Variants in PFKFB4 observed in about 807,000 individuals in gnomAD.
PFKFB4 encodes the protein 6-phosphofructo-2-kinase/fructose-2,6-biphosphatase 4, also known as 6-phosphofructo-2-kinase/fructose-2,6-bisphosphatase 4.
Under a neutral mutation model 62.8 loss-of-function variants are expected in PFKFB4, and 42 were observed. The observed-to-expected ratio is 0.67, with a 90% CI of 0.52 to 0.86. The LOEUF (loss-of-function observed/expected upper bound fraction) is 0.86, where lower values mean the gene tolerates loss of function less well. Ranked by LOEUF, PFKFB4 falls within the 40% of genes least tolerant of loss-of-function variation. The probability of loss-of-function intolerance (pLI) is 0.00; values close to 1 mark genes in which losing one functional copy is unlikely to be tolerated. For missense variants in PFKFB4, 475 were observed against 627.2 expected, an observed-to-expected ratio of 0.76 and a Z score of 2.59; for synonymous variants, 204 against 240.7, an observed-to-expected ratio of 0.85 and a Z score of 1.41.
In PFKFB4 at chr3:48,518,055, C is replaced by T. The variant is rs2041973245; in HGVS notation, c.*1692G>A. On this transcript the variant is annotated 3_prime_UTR_variant, in exon 14 of 14. Transcript: ENST00000232375. ...TGCACTGTTGCTGACCAAGGGAACC[C>T]ACTATGGCTAACAAATGAGTGTGTC... The T allele has an allele frequency of 6.6e-6, 1 of 152,318 alleles. No individual in the cohort carries two copies. The highest frequency in any genetic ancestry group is 2.1e-4 in the South Asian group (1 of 4,834). The allele number at this position is 152,318 out of a possible 1,614,324, so 9.4% of individuals were successfully genotyped here.
chr3:48,544,326 C>G (rs143214693), intron 3 of PFKFB4, among the ~76,000 whole-genome samples: 2 of 152,040 alleles, frequency 1.3e-5, no homozygotes, highest in Non-Finnish European at 2.9e-5. Context: ...AAAGAGAGTT[C>G]CCCAAACCAC....
chr3:48,534,527 C>T (rs1023565254), intron 9 of PFKFB4, among the ~76,000 whole-genome samples: 1 of 151,998 alleles, frequency 6.6e-6, no homozygotes, highest in East Asian at 1.9e-4. Flanking sequence ...AAAGATTAGC[C>T]TGGCATGGTG....
intron 3 of PFKFB4, among the ~76,000 whole-genome samples, chr3:48,547,333 C>T (rs931774703): frequency 1.1e-4 from 17 of 152,018 alleles, no homozygotes; most frequent in African/African-American, 3.4e-4. Flanking sequence ...ATATGGTATA[C>T]GCATGTCCGG....
chr3:48,519,963 T>A (rs1444332620), intron 13 of PFKFB4, among the ~76,000 whole-genome samples, 157 bp from the exon 14 acceptor site: 2 of 152,148 alleles, frequency 1.3e-5, no homozygotes, highest in African/African-American at 4.8e-5. Context: ...TAAGAATACA[T>A]GGCCAAGAGC....
At chr3:48,524,429 A>C (rs2042192929) in intron 10 of PFKFB4, among the ~76,000 whole-genome samples, 3 of 152,230 alleles carry the variant, frequency 2.0e-5, no homozygotes, top group Non-Finnish European at 4.4e-5. Context: ...AATGGCCTCC[A>C]GCAGTCAGAA....
chr3:48,529,629 CA>C (rs2042374209), intron 9 of PFKFB4, among the ~76,000 whole-genome samples: 1 of 152,094 alleles, frequency 6.6e-6, no homozygotes, highest in African/African-American at 2.4e-5. Context: ...CCACCAAGCA[CA>C]AAATGGGTTA....
At chr3:48,522,237 C>T (rs1049774200) in intron 12 of PFKFB4, among the ~76,000 whole-genome samples, 187 bp from the exon 13 acceptor site, 1 of 152,294 alleles carries the variant, frequency 6.6e-6, no homozygotes, top group Non-Finnish European at 1.5e-5. Context: ...CGCTGTCAGA[C>T]CCACGCATAT....
Position 48,556,530 on chromosome 3 carries a change from T to A in PFKFB4, c.97+151A>T, listed in dbSNP as rs1329112668. The A allele has an allele frequency of 3.6e-5, 33 of 913,468 alleles. No individual in the cohort carries two copies. The highest frequency in any genetic ancestry group is 3.4e-5 in the Non-Finnish European group (21 of 616,802). 56.6% of individuals were successfully genotyped at this position (913,468 alleles called of 1,614,324 possible). A position where few individuals can be genotyped will look rare whatever the true frequency, so the allele number is the denominator to read the frequency against. ...ACCACTGTCACGACCGCCTCACCTG[T>A]CCCCAGCAGCCTCCCCAGTCACGGC... On this transcript the variant is annotated intron_variant, in intron 1 of 13. Transcript: ENST00000232375. The surrounding 1 kb of genome is among the most constrained non-coding windows in gnomAD (Gnocchi z 5.7).
At chr3:48,523,476 G>T in intron 12 of PFKFB4, 61 bp downstream of exon 12, 1 of 1,460,466 alleles carries the variant, frequency 6.8e-7, no homozygotes, top group Non-Finnish European at 9.6e-7. Context: ...GAAAATCATG[G>T]AACTGTGCAG....
intron 3 of PFKFB4, among the ~76,000 whole-genome samples, chr3:48,546,895 G>A (rs556306203): frequency 8.1e-4 from 123 of 152,324 alleles, no homozygotes; most frequent in African/African-American, 2.6e-3. Context: ...TGTTGTCAAT[G>A]TTCAATGCAG....
intron 10 of PFKFB4, among the ~76,000 whole-genome samples, chr3:48,524,453 A>C (rs1483344732): frequency 1.3e-5 from 2 of 152,228 alleles, no homozygotes; most frequent in Non-Finnish European, 2.9e-5. Context: ...AACGTGCCCC[A>C]AGCTTTGATT....
intron 6 of PFKFB4, 130 bp from the exon 7 acceptor site, chr3:48,538,749 G>A: frequency 8.5e-7 from 1 of 1,172,562 alleles, no homozygotes; most frequent in East Asian, 2.5e-5. Context: ...CCTGAGGCTG[G>A]AAGCTGAGGT....
At chr3:48,562,578 GAC>G (rs1416909604), upstream of PFKFB4, 4 of 593,666 alleles carry the variant, frequency 6.7e-6, no homozygotes, top group South Asian at 6.4e-5. The surrounding 1 kb of genome is among the most constrained non-coding windows in gnomAD (Gnocchi z 4.3). Flanking sequence ...AGGCTGTCCA[GAC>G]ACACTGTGAC....
rs1452420751 is a variant in PFKFB4 at position 48,521,233 on chromosome 3, A to G, written c.1350+753T>C. On this transcript the variant is annotated intron_variant, in intron 13 of 13. Transcript: ENST00000232375. The surrounding 1 kb of genome is among the most constrained non-coding windows in gnomAD (Gnocchi z 5.3). ...TGGCAAGAGGCATGACTGAGGCCCAAGAGCCTTCTCCGTGCAGTGGCCTCC... is the reference window on the plus strand; with the variant it reads ...TGGCAAGAGGCATGACTGAGGCCCAGGAGCCTTCTCCGTGCAGTGGCCTCC... 1.3e-5 allele frequency among the ~76,000 whole-genome samples: 2 copies of G among 152,180 alleles called. No individual in the cohort carries two copies. The highest frequency in any genetic ancestry group is 1.9e-4 in the East Asian group (1 of 5,190).
At chr3:48,531,671 T>C (rs2042432649) in intron 9 of PFKFB4, among the ~76,000 whole-genome samples, 1 of 151,874 alleles carries the variant, frequency 6.6e-6, no homozygotes, top group Non-Finnish European at 1.5e-5. Context: ...TGTGTGCCTG[T>C]AGTCCTAGCT....
chr3:48,537,133 G>A (rs934175766), intron 7 of PFKFB4, among the ~76,000 whole-genome samples: 1 of 152,202 alleles, frequency 6.6e-6, no homozygotes. Context: ...ACAGCACATT[G>A]ATCAGTCTCT....
upstream of PFKFB4, chr3:48,559,583 C>T (rs1364367030): frequency 2.2e-6 from 1 of 456,974 alleles, no homozygotes; most frequent in Non-Finnish European, 4.4e-6. Flanking sequence ...CAGCGGATGC[C>T]CGGTAGAATC....
At chr3:48,531,984 T>C (rs867646606) in intron 9 of PFKFB4, among the ~76,000 whole-genome samples, 1 of 152,276 alleles carries the variant, frequency 6.6e-6, no homozygotes, top group South Asian at 2.1e-4. Context: ...GCAGCTGCTA[T>C]GGGAAACAGT....
intron 10 of PFKFB4, 74 bp downstream of exon 10, chr3:48,525,491 A>G (rs2042226627): frequency 4.0e-6 from 3 of 749,080 alleles, no homozygotes; most frequent in Non-Finnish European, 6.6e-6. Context: ...GCAGAGCCCC[A>G]CAGGCCCTCA....
Sources: allele counts gnomAD v4.1 joint callset (sites outside exome capture counted in the v4.1 genomes callset), GRCh38; gene constraint gnomAD v4.1.1; non-coding constraint Gnocchi (gnomAD v3.1); transcripts MANE v1.5; gene names NCBI Gene and HGNC (gene_info 2026-07-23, HGNC 2026-07-21).